Variants in MICU1 observed in about 807,000 individuals in gnomAD.
MICU1 encodes calcium uptake protein 1, mitochondrial.
MICU1 carries 45 observed loss-of-function variants against 56.8 expected under a neutral mutation model. The ratio of observed to expected loss-of-function variants is 0.79; its 90% CI spans 0.62 to 1.02. The LOEUF (loss-of-function observed/expected upper bound fraction) is 1.02. Ranked by LOEUF, MICU1 falls within the 50% of genes least tolerant of loss-of-function variation. The pLI, the probability that MICU1 is intolerant of heterozygous loss-of-function variation, is 0.00. For synonymous variants in MICU1, 186 were observed against 195.1 expected (o/e 0.95, Z 0.39); for missense variants, 504 against 587.1 (o/e 0.86, Z 1.46).
intron 10 of MICU1, among the ~76,000 whole-genome samples, chr10:72,380,322 G>A (rs139234919): frequency 3.3e-5 from 5 of 152,266 alleles, no homozygotes; most frequent in African/African-American, 1.2e-4. Context: ...TGAACAAAGG[G>A]TTTAAGTGCG....
intron 5 of MICU1, among the ~76,000 whole-genome samples, chr10:72,526,042 A>G (rs1051612104): frequency 3.3e-5 from 5 of 152,204 alleles, no homozygotes; most frequent in African/African-American, 1.2e-4. Context: ...CTCAAAATGG[A>G]AATGCCTTGG....
At chr10:72,494,992 T>C (rs1866790229) in intron 6 of MICU1, among the ~76,000 whole-genome samples, 1 of 152,194 alleles carries the variant, frequency 6.6e-6, no homozygotes, top group Non-Finnish European at 1.5e-5. Context: ...CTGCCAGAAA[T>C]AGTCTTTTAT....
chr10:72,499,241 C>A (rs1253251027), intron 6 of MICU1, among the ~76,000 whole-genome samples: 1 of 152,158 alleles, frequency 6.6e-6, no homozygotes, highest in Non-Finnish European at 1.5e-5. Context: ...GGATAAATTT[C>A]CTTTTTCAGA....
intron 8 of MICU1, among the ~76,000 whole-genome samples, chr10:72,447,141 T>A (rs1012745098): frequency 6.6e-6 from 1 of 152,204 alleles, no homozygotes; most frequent in Non-Finnish European, 1.5e-5. Flanking sequence ...AAAACCAGAT[T>A]TCTGCAAAGG....
intron 1 of MICU1, among the ~76,000 whole-genome samples, chr10:72,575,661 T>C (rs1048243423): frequency 2.0e-5 from 3 of 152,308 alleles, no homozygotes; most frequent in Admixed American, 6.5e-5. Context: ...CTAGGATCAG[T>C]GACCTTTGGT....
chr10:72,553,295 A>G (rs900909959), intron 3 of MICU1, among the ~76,000 whole-genome samples: 1 of 147,694 alleles, frequency 6.8e-6, no homozygotes, highest in Non-Finnish European at 1.5e-5. Context: ...GTGCACTGGC[A>G]CAATCTTGGC....
intron 2 of MICU1, 34 bp from the exon 3 acceptor site, chr10:72,563,097 T>G: frequency 6.9e-7 from 1 of 1,451,192 alleles, no homozygotes; most frequent in Middle Eastern, 1.8e-4. Flanking sequence ...AGATTAATCT[T>G]GAACGTCCAT....
intron 9 of MICU1, among the ~76,000 whole-genome samples, chr10:72,410,053 A>G (rs896066788): frequency 2.6e-5 from 4 of 152,310 alleles, no homozygotes; most frequent in South Asian, 2.1e-4. Context: ...TTATATGTAA[A>G]TAGCGTACTT....
chr10:72,555,535 G>C (rs1219873586), intron 3 of MICU1, among the ~76,000 whole-genome samples: 1 of 152,184 alleles, frequency 6.6e-6, no homozygotes, highest in African/African-American at 2.4e-5. Flanking sequence ...GTCTACCCAA[G>C]TTGGTAGTAC....
At chr10:72,506,882 G>A (rs1232952888) in intron 6 of MICU1, among the ~76,000 whole-genome samples, 4 of 151,948 alleles carry the variant, frequency 2.6e-5, no homozygotes, top group African/African-American at 9.7e-5. Flanking sequence ...AAATCAATGT[G>A]TATTTTCATT....
intron 1 of MICU1, among the ~76,000 whole-genome samples, chr10:72,623,300 C>CAA (rs1164753291): frequency 0.057 from 3,202 of 55,698 alleles, 424 homozygotes; most frequent in African/African-American, 0.18. Flanking sequence ...GACTCCGTCT[C>CAA]AAAAAAAAAA....
At chr10:72,579,478 G>A (rs775793539) in intron 1 of MICU1, among the ~76,000 whole-genome samples, 12 of 152,146 alleles carry the variant, frequency 7.9e-5, no homozygotes, top group Non-Finnish European at 1.6e-4. Context: ...TTAGATACAA[G>A]TTAAGCAACC....
chr10:72,510,674 C>T (rs140888696), intron 5 of MICU1, among the ~76,000 whole-genome samples: 5,163 of 150,640 alleles, frequency 0.034, 285 homozygotes, highest in African/African-American at 0.11. Flanking sequence ...GATGGAGTCT[C>T]GCTCTGTCAC....
intron 3 of MICU1, among the ~76,000 whole-genome samples, chr10:72,553,131 C>T (rs2132448261): frequency 6.6e-6 from 1 of 152,266 alleles, no homozygotes; most frequent in Non-Finnish European, 1.5e-5. Context: ...AGTTTTGCAA[C>T]CTCTCAGCAG....
intron 9 of MICU1, among the ~76,000 whole-genome samples, chr10:72,410,020 T>C (rs1863756979): frequency 6.6e-6 from 1 of 152,222 alleles, no homozygotes; most frequent in African/African-American, 2.4e-5. Context: ...TTCATTTCCT[T>C]GCTTTTTTTA....
At chr10:72,370,905 C>T (rs1210901456) in intron 11 of MICU1, among the ~76,000 whole-genome samples, 1 of 151,888 alleles carries the variant, frequency 6.6e-6, no homozygotes. Flanking sequence ...GTGGTGGGCG[C>T]CTGTAATTCC....
intron 9 of MICU1, among the ~76,000 whole-genome samples, chr10:72,412,742 T>G (rs897408881): frequency 6.6e-6 from 1 of 150,798 alleles, no homozygotes; most frequent in African/African-American, 2.4e-5. Flanking sequence ...TCCCAGCTAC[T>G]CAGGAGGCCG....
chr10:72,453,768 T>C (rs981498421), intron 8 of MICU1, among the ~76,000 whole-genome samples: 14 of 151,906 alleles, frequency 9.2e-5, no homozygotes, highest in Non-Finnish European at 1.9e-4. Context: ...CAACCTCAGG[T>C]GATCCACCCA....
At chr10:72,537,884 CAA>C (rs1839676261) in intron 4 of MICU1, among the ~76,000 whole-genome samples, 1 of 151,980 alleles carries the variant, frequency 6.6e-6, no homozygotes, top group African/African-American at 2.4e-5. Flanking sequence ...CTCATTTTGT[CAA>C]AAGACACAAG....
Sources: allele counts gnomAD v4.1 joint callset (sites outside exome capture counted in the v4.1 genomes callset), GRCh38; gene constraint gnomAD v4.1.1; transcripts MANE v1.5; gene names NCBI Gene and HGNC (gene_info 2026-07-23, HGNC 2026-07-21).